LDB2: variants seen among roughly 807,000 people sequenced by gnomAD.
LDB2 encodes LIM domain binding 2.
A neutral mutation model predicts 44.3 loss-of-function variants in LDB2; 12 were observed. The observed-to-expected ratio is 0.27, with a 90% CI of 0.17 to 0.44. LDB2 has a LOEUF of 0.44. LDB2 is among the 20% of genes least tolerant of loss of function. The pLI, the probability that LDB2 is intolerant of heterozygous loss-of-function variation, is 1.00. For missense variants in LDB2, 344 were observed against 473.5 expected (o/e 0.73, Z 2.54); for synonymous variants, 164 against 174.8 (o/e 0.94, Z 0.49).
chr4:16,676,049 A>G (rs184756672), intron 2 of LDB2, among the ~76,000 whole-genome samples: 15 of 152,348 alleles, frequency 9.8e-5, no homozygotes, highest in Admixed American at 8.5e-4. Context: ...GAAGGCCTCT[A>G]CTGGGAGAAG....
intron 5 of LDB2, among the ~76,000 whole-genome samples, chr4:16,551,436 C>T (rs1282281523): frequency 1.3e-5 from 2 of 152,158 alleles, no homozygotes; most frequent in Non-Finnish European, 2.9e-5. Flanking sequence ...TAGTATGTAA[C>T]CAAATGGACC....
At chr4:16,546,530 G>A (rs982659713) in intron 5 of LDB2, among the ~76,000 whole-genome samples, 2 of 152,248 alleles carry the variant, frequency 1.3e-5, no homozygotes, top group East Asian at 1.9e-4. Flanking sequence ...GTATGACAGC[G>A]GTCTTCATTT....
At chr4:16,843,648 G>A (rs1043568067) in intron 1 of LDB2, among the ~76,000 whole-genome samples, 18 of 152,098 alleles carry the variant, frequency 1.2e-4, no homozygotes, top group Non-Finnish European at 2.4e-4. Context: ...CTGAGACAGA[G>A]TCTCGCTCTG....
At chr4:16,548,707 T>C (rs1335236964) in intron 5 of LDB2, among the ~76,000 whole-genome samples, 2 of 152,262 alleles carry the variant, frequency 1.3e-5, no homozygotes, top group African/African-American at 4.8e-5. Context: ...TACCAAATTA[T>C]AGTCCTAAAG....
chr4:16,594,615 A>G (rs1270207884), intron 3 of LDB2, among the ~76,000 whole-genome samples: 1 of 152,228 alleles, frequency 6.6e-6, no homozygotes, highest in East Asian at 1.9e-4. Flanking sequence ...CAGCATGGGC[A>G]CTGGAGAGAT....
intron 2 of LDB2, among the ~76,000 whole-genome samples, chr4:16,698,403 T>G (rs971742764): frequency 3.3e-5 from 5 of 152,090 alleles, no homozygotes; most frequent in Non-Finnish European, 7.4e-5. Flanking sequence ...CAGTAGTGTA[T>G]GATAATACTC....
At chr4:16,548,887 A>G (rs556246684) in intron 5 of LDB2, among the ~76,000 whole-genome samples, 1 of 152,334 alleles carries the variant, frequency 6.6e-6, no homozygotes, top group Admixed American at 6.5e-5. Flanking sequence ...GATCTTAGGG[A>G]GGTAAAGGAG....
chr4:16,883,872 T>C (rs1354862944), intron 1 of LDB2, among the ~76,000 whole-genome samples: 2 of 152,044 alleles, frequency 1.3e-5, no homozygotes. Flanking sequence ...CAAGGCAAGT[T>C]ACATCACCTT....
At chr4:16,805,169 C>G (rs1337110049) in intron 1 of LDB2, among the ~76,000 whole-genome samples, 1 of 152,190 alleles carries the variant, frequency 6.6e-6, no homozygotes, top group Non-Finnish European at 1.5e-5. Context: ...GAAGGCCTCG[C>G]TCCCATGTTA....
chr4:16,633,424 C>G (rs1732604211), intron 2 of LDB2, among the ~76,000 whole-genome samples: 1 of 151,878 alleles, frequency 6.6e-6, no homozygotes, highest in African/African-American at 2.4e-5. Flanking sequence ...TACCCTAGAA[C>G]TTAAAGTATA....
chr4:16,655,895 A>ATTTTTTTTT (rs1560775125), intron 2 of LDB2, among the ~76,000 whole-genome samples: 2 of 67,734 alleles, frequency 3.0e-5, no homozygotes, highest in Admixed American at 1.6e-4. Flanking sequence ...CTGCAAGAAA[A>ATTTTTTTTT]CTTTTTTTTT....
chr4:16,627,656 G>A (rs1352392033), intron 2 of LDB2, among the ~76,000 whole-genome samples: 1 of 152,154 alleles, frequency 6.6e-6, no homozygotes, highest in East Asian at 1.9e-4. Flanking sequence ...TGGTGTGGTA[G>A]GCAGCCTCCA....
At chr4:16,811,399 C>T (rs1779842083) in intron 1 of LDB2, among the ~76,000 whole-genome samples, 1 of 152,150 alleles carries the variant, frequency 6.6e-6, no homozygotes, top group South Asian at 2.1e-4. Context: ...GATAGAACCA[C>T]CTTTGAATTA....
At chr4:16,644,246 T>A (rs969142163) in intron 2 of LDB2, among the ~76,000 whole-genome samples, 1 of 152,138 alleles carries the variant, frequency 6.6e-6, no homozygotes, top group Middle Eastern at 3.2e-3. Flanking sequence ...GAATACAGAA[T>A]GCCAACCAGT....
At chr4:16,505,665 T>A (rs182452045) in intron 7 of LDB2, among the ~76,000 whole-genome samples, 2 of 150,430 alleles carry the variant, frequency 1.3e-5, no homozygotes, top group Admixed American at 6.6e-5. Context: ...TACATTTCCT[T>A]CCCATCTCTA....
In LDB2 at chr4:16,563,414, CTCATCAG is replaced by C. The variant is rs150527895; in HGVS notation, c.615+22501_615+22507del. ...TATTATCAAAAACATTCAAAACCAT[CTCATCAG>C]TCATCAGATTTTTTTTTTTTTTTTT... is the stretch of plus-strand genomic sequence containing the variant. On this transcript the variant is annotated intron_variant, in intron 5 of 7. Transcript: ENST00000304523. 9.8e-3 allele frequency among the ~76,000 whole-genome samples: 1,300 copies of C among 133,050 alleles called. 22 individuals carry two copies. The highest frequency in any genetic ancestry group is 0.035 in the African/African-American group (1,240 of 35,048). The allele number at this position is 133,050 out of a possible 152,430, so 87.3% of individuals were successfully genotyped here. A position where few individuals can be genotyped will look rare whatever the true frequency, so the allele number is the denominator to read the frequency against.
At chr4:16,520,198 G>A (rs1577337551) in intron 5 of LDB2, among the ~76,000 whole-genome samples, 1 of 151,960 alleles carries the variant, frequency 6.6e-6, no homozygotes, top group East Asian at 1.9e-4. Flanking sequence ...GACATCAGAT[G>A]ATGGGGGTGG....
At chr4:16,615,285 A>G (rs1726948417) in intron 2 of LDB2, among the ~76,000 whole-genome samples, 1 of 152,152 alleles carries the variant, frequency 6.6e-6, no homozygotes, top group Non-Finnish European at 1.5e-5. Context: ...AAATCATTCT[A>G]CTATAAAGAC....
chr4:16,813,086 C>T (rs1162943820), intron 1 of LDB2, among the ~76,000 whole-genome samples: 1 of 152,056 alleles, frequency 6.6e-6, no homozygotes, highest in African/African-American at 2.4e-5. Flanking sequence ...CAACCTTCCC[C>T]TTGCCAGGTT....
Sources: gnomAD v4.1 joint callset for allele counts (sites outside exome capture counted in the v4.1 genomes callset) on GRCh38, gnomAD v4.1.1 for gene constraint, MANE v1.5 for transcripts, NCBI Gene and HGNC (gene_info 2026-07-23, HGNC 2026-07-21) for gene names.